SEMA6D: variants seen among roughly 807,000 people sequenced by gnomAD.
SEMA6D encodes the protein semaphorin-6D.
In SEMA6D, 35 loss-of-function variants were observed where a neutral mutation model predicts 106.6. That is an observed-to-expected ratio of 0.33 (90% CI 0.25 to 0.44). The LOEUF (loss-of-function observed/expected upper bound fraction) is 0.44, where lower values mean the gene tolerates loss of function less well. SEMA6D is among the 20% of genes least tolerant of loss of function. The pLI, the probability that SEMA6D is intolerant of heterozygous loss-of-function variation, is 1.00. For synonymous variants in SEMA6D, 499 were observed against 487.7 expected, an observed-to-expected ratio of 1.02 and a Z score of -0.31; for missense variants, 1,185 against 1,345.9, an observed-to-expected ratio of 0.88 and a Z score of 1.87.
intron 13 of SEMA6D, 115 bp downstream of exon 13, chr15:47,765,171 T>A: frequency 6.9e-7 from 1 of 1,459,048 alleles, no homozygotes; most frequent in Non-Finnish European, 9.0e-7. Flanking sequence ...CATAATAGTG[T>A]TTTGTGTTTT....
intron 1 of SEMA6D, among the ~76,000 whole-genome samples, chr15:47,759,210 T>C (rs1350164930): frequency 1.3e-5 from 2 of 152,108 alleles, no homozygotes; most frequent in Non-Finnish European, 2.9e-5. Flanking sequence ...ATACTCGACT[T>C]AAGAATTTGG....
At chr15:47,437,006 G>A (rs1210569783) in intron 2 of SEMA6D, among the ~76,000 whole-genome samples, 3 of 116,068 alleles carry the variant, frequency 2.6e-5, no homozygotes, top group Admixed American at 1.0e-4. Context: ...GGGAGGGGAG[G>A]GAAAGAAAAG....
chr15:47,372,868 G>A (rs1418099953), intron 1 of SEMA6D, among the ~76,000 whole-genome samples: 5 of 152,094 alleles, frequency 3.3e-5, no homozygotes. Context: ...ACTGCCCAGG[G>A]TCATTTTCAG....
At chr15:47,452,306 G>T (rs1596031977) in intron 2 of SEMA6D, among the ~76,000 whole-genome samples, 1 of 150,240 alleles carries the variant, frequency 6.7e-6, no homozygotes, top group African/African-American at 2.4e-5. Flanking sequence ...TGAGTTAAGG[G>T]TGTGTTTATC....
chr15:47,270,076 G>A (rs1257257894), intron 1 of SEMA6D, among the ~76,000 whole-genome samples: 2 of 149,484 alleles, frequency 1.3e-5, no homozygotes, highest in African/African-American at 4.9e-5. Context: ...ATCTTTCATT[G>A]TATTTATTGT....
intron 3 of SEMA6D, among the ~76,000 whole-genome samples, chr15:47,504,530 A>T (rs2043971047): frequency 6.6e-6 from 1 of 151,980 alleles, no homozygotes; most frequent in African/African-American, 2.4e-5. Context: ...AATAAATAAG[A>T]CCCCTTTGCC....
intron 2 of SEMA6D, among the ~76,000 whole-genome samples, chr15:47,436,683 C>T (rs1247335197): frequency 6.7e-6 from 1 of 150,074 alleles, no homozygotes; most frequent in Non-Finnish European, 1.5e-5. Context: ...GTAATCCAAG[C>T]ACTTTGGGAA....
chr15:47,496,363 ATCT>A (rs1332608758), intron 3 of SEMA6D, among the ~76,000 whole-genome samples: 2 of 152,076 alleles, frequency 1.3e-5, no homozygotes, highest in Non-Finnish European at 2.9e-5. Flanking sequence ...TGTTCATAAC[ATCT>A]TCTGCATTAC....
chr15:47,478,794 GA>G (rs1459294662), intron 3 of SEMA6D, among the ~76,000 whole-genome samples: 7 of 152,024 alleles, frequency 4.6e-5, no homozygotes, highest in Non-Finnish European at 1.0e-4. Flanking sequence ...ATTTTATAAT[GA>G]AAAAAAGGTT....
At chr15:47,288,742 T>C (rs766132) in intron 1 of SEMA6D, among the ~76,000 whole-genome samples, 83,464 of 152,006 alleles carry the variant, frequency 0.55, 23,318 homozygotes, top group Non-Finnish European at 0.6. Flanking sequence ...CTTTTATGGC[T>C]GTAGTAGCTG....
intron 18 of SEMA6D, among the ~76,000 whole-genome samples, chr15:47,769,517 G>A (rs1046570523): frequency 1.4e-4 from 21 of 151,190 alleles, no homozygotes; most frequent in African/African-American, 4.9e-4. Context: ...TTCTTTCTCG[G>A]TCTTTCACAG....
At chr15:47,213,566 A>C (rs1376738876) in intron 1 of SEMA6D, among the ~76,000 whole-genome samples, 2 of 152,194 alleles carry the variant, frequency 1.3e-5, no homozygotes, top group South Asian at 4.1e-4. Flanking sequence ...AGGCTAAATC[A>C]ACCCAAATCT....
intron 1 of SEMA6D, among the ~76,000 whole-genome samples, chr15:47,301,090 T>C (rs375215550): frequency 6.6e-6 from 1 of 152,252 alleles, no homozygotes; most frequent in African/African-American, 2.4e-5. Flanking sequence ...AGAAAAGTTA[T>C]TGGGAGCTAG....
chr15:47,413,353 T>C (rs1014559500), intron 2 of SEMA6D, among the ~76,000 whole-genome samples: 1 of 152,136 alleles, frequency 6.6e-6, no homozygotes, highest in African/African-American at 2.4e-5. Flanking sequence ...CCGTTTTGTT[T>C]AATAGGTTAA....
chr15:47,343,274 A>ATTATTATTATTATTATT (rs71425596), intron 1 of SEMA6D, among the ~76,000 whole-genome samples: 16 of 65,494 alleles, frequency 2.4e-4, no homozygotes, highest in African/African-American at 2.3e-3. Context: ...TTATTATTAT[A>ATTATTATTATTATTATT]CTTTAAGTTT....
chr15:47,246,484 A>G (rs2033207228), intron 1 of SEMA6D, among the ~76,000 whole-genome samples: 1 of 152,100 alleles, frequency 6.6e-6, no homozygotes, highest in Non-Finnish European at 1.5e-5. Flanking sequence ...AAGGTGTCCA[A>G]CAGGGTTGCA....
intron 1 of SEMA6D, among the ~76,000 whole-genome samples, chr15:47,388,569 G>C (rs986493104): frequency 2.0e-5 from 3 of 151,978 alleles, no homozygotes; most frequent in African/African-American, 7.3e-5. Context: ...CTGGCCATCA[G>C]ATCAAAAAAA....
chr15:47,534,281 C>T (rs1259681314), intron 3 of SEMA6D, among the ~76,000 whole-genome samples: 3 of 152,038 alleles, frequency 2.0e-5, no homozygotes, highest in Non-Finnish European at 4.4e-5. Flanking sequence ...ACCTCTGCCT[C>T]CCGGGTTCAA....
intron 1 of SEMA6D, among the ~76,000 whole-genome samples, chr15:47,750,984 C>T (rs1056666323): frequency 2.0e-5 from 3 of 152,170 alleles, no homozygotes; most frequent in South Asian, 2.1e-4. Flanking sequence ...GCAAGGAGCA[C>T]CCATGCTTTT....
Sources: gnomAD v4.1 joint callset for allele counts (sites outside exome capture counted in the v4.1 genomes callset) on GRCh38, gnomAD v4.1.1 for gene constraint, MANE v1.5 for transcripts, NCBI Gene and HGNC (gene_info 2026-07-23, HGNC 2026-07-21) for gene names.